The following PSMA8 variants were observed in gnomAD, a reference collection of about 807,000 sequenced individuals.
The protein encoded by PSMA8 is proteasome 20S subunit alpha 8.
Under a neutral mutation model 32.4 loss-of-function variants are expected in PSMA8, and 18 were observed. The ratio of observed to expected loss-of-function variants is 0.56; its 90% confidence interval spans 0.38 to 0.82. The LOEUF is 0.82. Among genes scored for constraint, PSMA8 ranks in the 40% least tolerant of loss-of-function variants. The pLI, the probability that PSMA8 is intolerant of heterozygous loss-of-function variation, is 0.00. For missense variants in PSMA8, 298 were observed against 300.7 expected (o/e 0.99, Z 0.07); for synonymous variants, 104 against 98.1 (o/e 1.06, Z -0.36).
chr18:26,181,849 G>A (rs2055314146), intron 6 of PSMA8, among the ~76,000 whole-genome samples: 1 of 151,822 alleles, frequency 6.6e-6, no homozygotes, highest in Non-Finnish European at 1.5e-5. Context: ...GCTTGAACCT[G>A]AGAGGCGGAG....
chr18:26,174,744 T>C (rs2055251063), intron 4 of PSMA8, among the ~76,000 whole-genome samples: 1 of 152,244 alleles, frequency 6.6e-6, no homozygotes, highest in Non-Finnish European at 1.5e-5. Flanking sequence ...TGCATTTCTT[T>C]TCATGTTAAC....
rs929664974 is a variant in PSMA8, at chr18:26,178,686, T to C, written c.478-144T>C. ...TAACCAAATGAGCTACTGAAATGTT[T>C]GCTATGTTTTCAAATCTGTAATTTT... On this transcript the variant is annotated intron_variant, in intron 4 of 6. Transcript: ENST00000415576. 5.8e-6 allele frequency: 4 copies of C among 684,444 alleles called. No individual in the cohort carries two copies. The African/African-American group carries it at 7.2e-5, about 12-fold the overall frequency. 42.4% of individuals were successfully genotyped at this position (684,444 alleles called of 1,614,324 possible).
At chr18:26,140,362 G>T (rs187266526) in intron 1 of PSMA8, among the ~76,000 whole-genome samples, 200 of 152,316 alleles carry the variant, frequency 1.3e-3, no homozygotes, top group South Asian at 4.3e-3. Flanking sequence ...AGATACCCAC[G>T]TTACTCTCCT....
At chr18:26,191,807 C>A (rs1235845462) in intron 6 of PSMA8, among the ~76,000 whole-genome samples, 5 of 152,232 alleles carry the variant, frequency 3.3e-5, no homozygotes, top group South Asian at 2.1e-4. Flanking sequence ...TACTTGTGAA[C>A]AGTACAACAG....
rs2055412261 is a variant in PSMA8 at position 26,192,455 on chromosome 18, G to C, written c.*44G>C. The C allele has an allele frequency of 6.7e-7, 1 of 1,501,962 alleles. No individual in the cohort carries two copies. Among genetic ancestry groups the C allele is most frequent in the Non-Finnish European group, 8.8e-7 (1 of 1,136,218 alleles). 93.0% of individuals were successfully genotyped at this position (1,501,962 alleles called of 1,614,324 possible). A position where few individuals can be genotyped will look rare whatever the true frequency, so the allele number is the denominator to read the frequency against. ...GGAGGTCTTAATGTTTTGTTTTATT[G>C]TACTGCCTGAGGTTGTTTAGTGAAA... On this transcript the variant is annotated 3_prime_UTR_variant, in exon 7 of 7. Transcript: ENST00000415576.
rs114517867 is a variant in PSMA8 at position 26,183,464 on chromosome 18, T to G, written c.660+4334T>G. 1.3e-5 allele frequency among the ~76,000 whole-genome samples: 2 copies of G among 150,522 alleles called. 1 individual carries two copies. Among genetic ancestry groups the G allele is most frequent in the Non-Finnish European group, 3.0e-5 (2 of 67,706 alleles). ...GTTTAGAATAAGTTGATTCCAACCC[T>G]TATGAATGACTTTCAGGAGTTCAAG... On this transcript the variant is annotated intron_variant, in intron 6 of 6. Coordinates refer to ENST00000415576, the MANE Select transcript of PSMA8 (RefSeq NM_001025096.2).
Position 26,151,959 on chromosome 18 carries a change from C to T in PSMA8, c.331C>T (p.Arg111Cys), listed in dbSNP as rs770758475. Residue 111 changes from arginine (R) to cysteine (C), a missense_variant, in exon 3 of 7, where the codon CGC (arginine) becomes TGC (cysteine). Coordinates refer to ENST00000415576, the MANE Select transcript of PSMA8 (RefSeq NM_001025096.2). ...EDPVTVEYIT[R>C]FIATLKQKYT... ...CCCAGTCACTGTAGAATACATAACTCGCTTCATAGCAACTTTAAAGCAGGT... is the reference window on the plus strand; with the variant it reads ...CCCAGTCACTGTAGAATACATAACTTGCTTCATAGCAACTTTAAAGCAGGT... 16 of 1,598,174 alleles carry T rather than the reference C, an allele frequency of 1.0e-5. No homozygotes were observed. In the East Asian group the frequency reaches 1.1e-4, roughly 11 times the overall value.
rs190712363 is a variant in PSMA8 at position 26,145,121 on chromosome 18, T to G, written c.229+436T>G. ...ATGTATGTAGTTTTTTGTTTTTGTT[T>G]TTATTTTTATTTTTGAGACAGAGTT... On this transcript the variant is annotated intron_variant, in intron 2 of 6. Coordinates refer to ENST00000415576, the MANE Select transcript of PSMA8 (RefSeq NM_001025096.2). Among the ~76,000 whole-genome samples the G allele has an allele frequency of 8.4e-3, 1,271 of 152,178 alleles. 13 individuals are homozygous for G. The highest frequency in any genetic ancestry group is 0.031 in the South Asian group (150 of 4,826).
Position 26,192,411 on chromosome 18 carries a change from A to G in PSMA8, c.753A>G (p.Ter251=). ...AEKKKSKKSV[*] is the part of the protein sequence containing the mutation. ...AGAAAAAATCAAAGAAATCTGTCTAATTCTTAGGATGACCACTGGGAGGTC... is the reference window on the plus strand; with the variant it reads ...AGAAAAAATCAAAGAAATCTGTCTAGTTCTTAGGATGACCACTGGGAGGTC... Residue 251 remains the stop codon, a stop_retained_variant, in exon 7 of 7, where the codon TAA becomes TAG. Transcript: ENST00000415576. The G allele has an allele frequency of 6.6e-7, 1 of 1,526,466 alleles. No homozygotes were observed. Among genetic ancestry groups the G allele is most frequent in the Non-Finnish European group, 8.7e-7 (1 of 1,149,662 alleles). 94.6% of individuals were successfully genotyped at this position (1,526,466 alleles called of 1,614,324 possible). A position where few individuals can be genotyped will look rare whatever the true frequency, so the allele number is the denominator to read the frequency against.
rs2055287479 is a variant in PSMA8 at position 26,179,063 on chromosome 18, A to G, written c.598-5A>G. ...AATTCTAATAGTGTACTTGTTCTAC[A>G]TTAGGTTGTCCAGTCTGGTGGAAAA... On this transcript the variant is annotated splice_polypyrimidine_tract_variant and splice_region_variant and intron_variant, in intron 5 of 6. Coordinates refer to ENST00000415576, the MANE Select transcript of PSMA8 (RefSeq NM_001025096.2). 1 of 1,612,924 alleles carries G rather than the reference A, an allele frequency of 6.2e-7. No homozygotes were observed. The highest frequency in any genetic ancestry group is 8.5e-7 in the Non-Finnish European group (1 of 1,179,500).
At position 26,192,313 on chromosome 18, in the gene PSMA8, T is replaced by C. The variant is rs1297455734; in HGVS notation, c.661-6T>C. On this transcript the variant is annotated splice_region_variant and splice_polypyrimidine_tract_variant and intron_variant, in intron 6 of 6. Transcript: ENST00000415576. ...ATTTGATCTTTAAATTTTTTTCTCT[T>C]TTCAGATGTTTAGTGCAAAAGAAGT... is the stretch of plus-strand genomic sequence containing the variant. 4.7e-6 allele frequency: 7 copies of C among 1,489,092 alleles called. No individual in the cohort carries two copies. Among genetic ancestry groups the C allele is most frequent in the Admixed American group, 2.8e-5 (1 of 35,826 alleles). 92.2% of individuals were successfully genotyped at this position (1,489,092 alleles called of 1,614,324 possible).
chr18:26,156,070 A>G (rs2055086411), intron 3 of PSMA8, among the ~76,000 whole-genome samples: 1 of 152,208 alleles, frequency 6.6e-6, no homozygotes, highest in Admixed American at 6.5e-5. Flanking sequence ...AACATCACTA[A>G]TCATCAGATA....
chr18:26,183,908 C>T (rs767038903), intron 6 of PSMA8, among the ~76,000 whole-genome samples: 2 of 150,832 alleles, frequency 1.3e-5, no homozygotes, highest in Non-Finnish European at 3.0e-5. Flanking sequence ...TCAGCAACCA[C>T]TACCCTGATG....
At chr18:26,157,650 A>C (rs2055100766) in intron 3 of PSMA8, among the ~76,000 whole-genome samples, 1 of 152,204 alleles carries the variant, frequency 6.6e-6, no homozygotes, top group South Asian at 2.1e-4. Flanking sequence ...TTTTAATTAG[A>C]GATAACCTAG....
chr18:26,161,934 C>T (rs1350514228), intron 4 of PSMA8, among the ~76,000 whole-genome samples: 1 of 152,028 alleles, frequency 6.6e-6, no homozygotes, highest in East Asian at 1.9e-4. Context: ...TGAAGCTCTG[C>T]CAGTATCCAG....
chr18:26,163,015 A>G (rs1205586246), intron 4 of PSMA8, among the ~76,000 whole-genome samples: 1 of 151,878 alleles, frequency 6.6e-6, no homozygotes, highest in East Asian at 1.9e-4. Flanking sequence ...TATAAAATAT[A>G]TAAACAGCCC....
At position 26,171,222 on chromosome 18, in the gene PSMA8, T is replaced by A. The variant is rs1178097834; in HGVS notation, c.478-7608T>A. On this transcript the variant is annotated intron_variant, in intron 4 of 6. Transcript: ENST00000415576. Reference sequence around the variant, plus strand: ...ATTCCTGAGCGGTGGCCAGGGCAGGTCCCCGTTCTTGCCGATGCCCATGTT... The same window carrying A: ...ATTCCTGAGCGGTGGCCAGGGCAGGACCCCGTTCTTGCCGATGCCCATGTT... The A allele has an allele frequency of 2.2e-4, 341 of 1,558,938 alleles. 27 individuals carry two copies. The highest frequency in any genetic ancestry group is 2.8e-4 in the Non-Finnish European group (330 of 1,170,484).
Position 26,172,563 on chromosome 18 carries a change from G to A in PSMA8, c.478-6267G>A, listed in dbSNP as rs376876020. 6.6e-5 allele frequency among the ~76,000 whole-genome samples: 10 copies of A among 152,224 alleles called. No homozygotes were observed. The South Asian group carries it at 1.5e-3, about 22-fold the overall frequency. ...TATAGAGGAGGTTTCCTGAGCACAG[G>A]GTTAAGCTGCATATGGAAGTAATTG... On this transcript the variant is annotated intron_variant, in intron 4 of 6. Coordinates refer to ENST00000415576, the MANE Select transcript of PSMA8 (RefSeq NM_001025096.2).
chr18:26,141,044 A>G (rs765006547), intron 1 of PSMA8, among the ~76,000 whole-genome samples: 64 of 152,268 alleles, frequency 4.2e-4, no homozygotes, highest in Non-Finnish European at 2.8e-4. Flanking sequence ...CTTTCACTCT[A>G]TCCCTTTCCT....
Sources: gnomAD v4.1 joint callset for allele counts (sites outside exome capture counted in the v4.1 genomes callset) on GRCh38, gnomAD v4.1.1 for gene constraint, MANE v1.5 for transcripts, NCBI Gene and HGNC (gene_info 2026-07-23, HGNC 2026-07-21) for gene names.